The following KIAA2012 variants were observed in gnomAD, a reference collection of about 807,000 sequenced individuals.
The protein encoded by KIAA2012 is uncharacterized protein KIAA2012.
A neutral mutation model predicts 150.6 loss-of-function variants in KIAA2012; 125 were observed. That is an observed-to-expected ratio of 0.83 (90% CI 0.72 to 0.96). KIAA2012 has a LOEUF of 0.96. Among genes scored for constraint, KIAA2012 ranks in the 40% least tolerant of loss-of-function variants. KIAA2012 has a pLI of 0.00. For missense variants in KIAA2012, 1,219 were observed against 1,354.9 expected (o/e 0.90, Z 1.57); for synonymous variants, 462 against 504.7 (o/e 0.92, Z 1.13).
At chr2:202,160,313 C>CT (rs774846619) in intron 14 of KIAA2012, among the ~76,000 whole-genome samples, 15,146 of 122,158 alleles carry the variant, frequency 0.12, 1,381 homozygotes, top group South Asian at 0.24. Context: ...TTCATAAGGT[C>CT]TTTTTTTTTT....
chr2:202,098,207 A>G (rs1689943824), intron 5 of KIAA2012, among the ~76,000 whole-genome samples: 1 of 152,174 alleles, frequency 6.6e-6, no homozygotes, highest in African/African-American at 2.4e-5. Flanking sequence ...TAAAAATACA[A>G]AAATTAGCTG....
chr2:202,194,367 G>C lies in KIAA2012; in HGVS notation c.3187+5G>C. 1 of 1,549,396 alleles carries C rather than the reference G, an allele frequency of 6.5e-7. No individual in the cohort carries two copies. The highest frequency in any genetic ancestry group is 8.7e-7 in the Non-Finnish European group (1 of 1,146,950). ...AGGAGGAAGCCGAGAGGGCCGGTGA[G>C]GGGGTTCTTGAGCTCTTTGCATCTC... On this transcript the variant is annotated splice_donor_5th_base_variant and intron_variant, in intron 21 of 23. Transcript: ENST00000498697.
At chr2:202,122,765 A>T (rs952075155) in intron 11 of KIAA2012, among the ~76,000 whole-genome samples, 4 of 152,174 alleles carry the variant, frequency 2.6e-5, no homozygotes, top group African/African-American at 9.6e-5. Flanking sequence ...CGGCCTCCCA[A>T]AGTGCTGGGA....
intron 18 of KIAA2012, 99 bp from the exon 19 acceptor site, chr2:202,190,075 A>C: frequency 1.0e-6 from 1 of 993,568 alleles, no homozygotes; most frequent in Middle Eastern, 3.3e-4. Context: ...GTGACAGAGC[A>C]AGACCCTGTC....
intron 12 of KIAA2012, among the ~76,000 whole-genome samples, chr2:202,133,109 A>AAAAAAAAAATATATAT (rs766606713): frequency 3.4e-5 from 3 of 87,882 alleles, no homozygotes; most frequent in Non-Finnish European, 4.4e-5. Flanking sequence ...TCTAAAAAAA[A>AAAAAAAAAATATATAT]ATATATATAT....
intron 16 of KIAA2012, among the ~76,000 whole-genome samples, chr2:202,185,761 C>T (rs1692215700): frequency 6.6e-6 from 1 of 151,742 alleles, no homozygotes. Flanking sequence ...GCAAAACAAT[C>T]AGGTTTGTGG....
At chr2:202,133,827 A>G (rs1422766628) in intron 12 of KIAA2012, among the ~76,000 whole-genome samples, 1 of 152,358 alleles carries the variant, frequency 6.6e-6, no homozygotes, top group Middle Eastern at 3.4e-3. Context: ...TTAAACAAGC[A>G]GACTCAAAAT....
intron 14 of KIAA2012, among the ~76,000 whole-genome samples, chr2:202,157,169 C>T (rs1297516131): frequency 6.6e-6 from 1 of 152,166 alleles, no homozygotes; most frequent in Non-Finnish European, 1.5e-5. Flanking sequence ...GCCCCAAAGA[C>T]CTTCTCTTGG....
chr2:202,153,333 G>A (rs907866107), intron 13 of KIAA2012, among the ~76,000 whole-genome samples: 9 of 152,164 alleles, frequency 5.9e-5, no homozygotes, highest in African/African-American at 2.2e-4. Flanking sequence ...CATGCTCTGG[G>A]TGGTCACAGG....
intron 11 of KIAA2012, among the ~76,000 whole-genome samples, chr2:202,121,401 T>A (rs1397679192): frequency 1.3e-5 from 2 of 152,232 alleles, no homozygotes; most frequent in Non-Finnish European, 2.9e-5. Context: ...TTGCACTCCA[T>A]CTTGTAAAGT....
intron 7 of KIAA2012, 137 bp from the exon 8 acceptor site, chr2:202,102,809 G>C: frequency 2.5e-6 from 2 of 795,774 alleles, no homozygotes; most frequent in Non-Finnish European, 3.9e-6. Context: ...GTCAGATACC[G>C]GCTCCCAGCT....
Position 202,097,576 on chromosome 2 carries a change from A to G in KIAA2012, c.827A>G (p.Glu276Gly). The G allele has an allele frequency of 1.3e-6, 2 of 1,521,420 alleles. No individual in the cohort carries two copies. Among genetic ancestry groups the G allele is most frequent in the Non-Finnish European group, 1.8e-6 (2 of 1,139,220 alleles). The allele number at this position is 1,521,420 out of a possible 1,614,324, so 94.2% of individuals were successfully genotyped here. Residue 276 changes from glutamate (E) to glycine (G), a missense_variant and splice_region_variant, in exon 5 of 24, where the codon GAG becomes GGG. Coordinates refer to ENST00000498697, the MANE Select transcript of KIAA2012 (RefSeq NM_001277372.4). ...TGGCAGGAAGATGAAACGCAGGCAGAGGTACCATTTCTTTTTTTTTTTTTT... is the reference window on the plus strand; with the variant it reads ...TGGCAGGAAGATGAAACGCAGGCAGGGGTACCATTTCTTTTTTTTTTTTTT... ...QPWQEDETQA[E>G]DTSIENHLCL...
chr2:202,165,311 G>A lies in KIAA2012; in HGVS notation c.2074G>A (p.Glu692Lys). The A allele has an allele frequency of 6.4e-7, 1 of 1,550,406 alleles. No homozygotes were observed. The highest frequency in any genetic ancestry group is 8.7e-7 in the Non-Finnish European group (1 of 1,146,846). The change falls in exon 15 of 24, where the codon GAA (glutamate) becomes AAA (lysine). Residue 692 changes from glutamate (E) to lysine (K), a missense_variant. Transcript: ENST00000498697. Reference protein sequence around the residue: ...KESGNALDYQEEAGRPLRETH... With the variant: ...KESGNALDYQKEAGRPLRETH... ...AAGTGGAAATGCACTGGACTATCAG[G>A]AAGAAGCAGGGAGACCCCTCAGAGA...
intron 2 of KIAA2012, among the ~76,000 whole-genome samples, chr2:202,079,211 G>C (rs1260761887): frequency 6.6e-6 from 1 of 152,148 alleles, no homozygotes; most frequent in Non-Finnish European, 1.5e-5. Flanking sequence ...AAGGTGAGAG[G>C]CTTCGGGGAG....
intron 2 of KIAA2012, among the ~76,000 whole-genome samples, chr2:202,085,555 G>A (rs1312570093): frequency 3.9e-5 from 6 of 152,150 alleles, no homozygotes; most frequent in African/African-American, 1.4e-4. Flanking sequence ...CAGGGAAACA[G>A]ATTCTTCCCT....
At chr2:202,197,294 A>T (rs1223019871) in intron 22 of KIAA2012, 3 of 495,980 alleles carry the variant, frequency 6.0e-6, no homozygotes, top group Non-Finnish European at 1.1e-5. Context: ...CCAAAGAGGG[A>T]AAGGATCTTG....
At chr2:202,077,544 T>C (rs1387347600) in intron 2 of KIAA2012, among the ~76,000 whole-genome samples, 2 of 152,040 alleles carry the variant, frequency 1.3e-5, no homozygotes, top group Non-Finnish European at 2.9e-5. Flanking sequence ...TAACTCCACA[T>C]GAGTAGAGGG....
chr2:202,185,539 A>C (rs1243546348), intron 16 of KIAA2012, among the ~76,000 whole-genome samples: 2 of 152,212 alleles, frequency 1.3e-5, no homozygotes, highest in Non-Finnish European at 2.9e-5. Flanking sequence ...CAGCCACCAG[A>C]GGAACACCAT....
At chr2:202,109,495 C>T in intron 9 of KIAA2012, 118 bp from the exon 10 acceptor site, 1 of 788,248 alleles carries the variant, frequency 1.3e-6, no homozygotes, top group Non-Finnish European at 1.9e-6. Context: ...ATACAATTAC[C>T]AGTTCTTCAT....
Sources: allele counts gnomAD v4.1 joint callset (sites outside exome capture counted in the v4.1 genomes callset), GRCh38; gene constraint gnomAD v4.1.1; transcripts MANE v1.5; gene names NCBI Gene and HGNC (gene_info 2026-07-23, HGNC 2026-07-21).